THSD4: variants seen among roughly 807,000 people sequenced by gnomAD.
THSD4 encodes the protein thrombospondin type 1 domain containing 4.
In THSD4, 69 loss-of-function variants were observed where a neutral mutation model predicts 119.0. The observed-to-expected ratio is 0.58, with a 90% CI of 0.48 to 0.71. THSD4 has a LOEUF of 0.71. Ranked by LOEUF, THSD4 falls within the 30% of genes least tolerant of loss-of-function variation. THSD4 has a pLI of 0.00. For missense variants in THSD4, 1,393 were observed against 1,391.1 expected (o/e 1.00, Z -0.02); for synonymous variants, 524 against 540.4 (o/e 0.97, Z 0.42).
chr15:71,561,883 C>G (rs1349642237), intron 7 of THSD4, among the ~76,000 whole-genome samples: 13 of 32,762 alleles, frequency 4.0e-4, no homozygotes, highest in African/African-American at 1.5e-3. Flanking sequence ...CACACACACA[C>G]ACACACACAC....
At chr15:71,558,183 C>G (rs1474643763) in intron 7 of THSD4, among the ~76,000 whole-genome samples, 2 of 152,072 alleles carry the variant, frequency 1.3e-5, no homozygotes, top group African/African-American at 2.4e-5. Context: ...CAAAAATTAA[C>G]CAGGCATGGT....
At chr15:71,228,321 G>A (rs576353689) in intron 4 of THSD4, among the ~76,000 whole-genome samples, 2 of 152,134 alleles carry the variant, frequency 1.3e-5, no homozygotes, top group Non-Finnish European at 2.9e-5. Context: ...GCATGCTGGC[G>A]GCCGCCAGAA....
chr15:71,152,087 C>A (rs1271048229), intron 2 of THSD4, among the ~76,000 whole-genome samples: 3 of 152,132 alleles, frequency 2.0e-5, no homozygotes, highest in Non-Finnish European at 4.4e-5. Flanking sequence ...CCCGAATACA[C>A]CCCTTGTTTG....
At chr15:71,341,037 C>CCT (rs1259151204) in intron 6 of THSD4, 1 of 689,134 alleles carries the variant, frequency 1.5e-6, no homozygotes. Flanking sequence ...TCTTGCATTT[C>CCT]CTCTCTCTCC....
intron 7 of THSD4, among the ~76,000 whole-genome samples, chr15:71,636,148 G>A (rs4357893): frequency 0.57 from 87,342 of 152,132 alleles, 25,628 homozygotes; most frequent in African/African-American, 0.64. Context: ...TAGACCAGGC[G>A]CAGTGGCTCA....
intron 6 of THSD4, among the ~76,000 whole-genome samples, chr15:71,382,434 C>T (rs1233567942): frequency 6.6e-6 from 1 of 152,184 alleles, no homozygotes; most frequent in Non-Finnish European, 1.5e-5. Flanking sequence ...TTTTAGCCAA[C>T]TTGATCACAT....
intron 16 of THSD4, among the ~76,000 whole-genome samples, chr15:71,766,311 C>T (rs1013289330): frequency 5.3e-5 from 8 of 151,868 alleles, no homozygotes; most frequent in African/African-American, 1.5e-4. Flanking sequence ...TGACCATTGG[C>T]GTAGTTCTGT....
intron 9 of THSD4, 114 bp from the exon 10 acceptor site, chr15:71,731,007 C>T (rs1023466603): frequency 2.5e-5 from 21 of 829,610 alleles, no homozygotes; most frequent in Admixed American, 8.3e-5. Context: ...TTACTGGATG[C>T]GTACTAGAGT....
chr15:71,250,794 T>A (rs2044251647), intron 5 of THSD4, among the ~76,000 whole-genome samples: 1 of 152,182 alleles, frequency 6.6e-6, no homozygotes. Flanking sequence ...TATTTAAAAA[T>A]CTATGATTGG....
chr15:71,471,975 C>T (rs1211235960), intron 7 of THSD4, among the ~76,000 whole-genome samples: 1 of 152,150 alleles, frequency 6.6e-6, no homozygotes, highest in Non-Finnish European at 1.5e-5. Context: ...AGTGCAGTGG[C>T]ACAATCATGG....
chr15:71,261,689 CA>C (rs1401303875), intron 6 of THSD4, among the ~76,000 whole-genome samples: 1 of 152,242 alleles, frequency 6.6e-6, no homozygotes, highest in East Asian at 1.9e-4. Flanking sequence ...TTGAGACAGA[CA>C]GGAAAACATT....
At chr15:71,188,904 C>T (rs1008697857) in intron 3 of THSD4, 1 of 152,624 alleles carries the variant, frequency 6.6e-6, no homozygotes, top group African/African-American at 2.4e-5. Flanking sequence ...TATCTGTCAT[C>T]CATATGGGGA....
At chr15:71,424,021 C>T (rs1273659903) in intron 7 of THSD4, among the ~76,000 whole-genome samples, 1 of 149,084 alleles carries the variant, frequency 6.7e-6, no homozygotes, top group Admixed American at 6.6e-5. Context: ...CGCTCCGACT[C>T]TCTGCACCCC....
At chr15:71,341,589 G>A (rs765028905) in intron 6 of THSD4, 15 of 1,597,102 alleles carry the variant, frequency 9.4e-6, no homozygotes, top group South Asian at 3.3e-5. Context: ...GTGGCTTTTC[G>A]TATATGCATA....
At chr15:71,279,642 C>T (rs1387714707) in intron 6 of THSD4, among the ~76,000 whole-genome samples, 1 of 152,156 alleles carries the variant, frequency 6.6e-6, no homozygotes, top group African/African-American at 2.4e-5. Flanking sequence ...GCAGCCTCTG[C>T]CTGTCTGAAT....
At chr15:71,551,904 G>T (rs867779427) in intron 7 of THSD4, among the ~76,000 whole-genome samples, 21 of 152,216 alleles carry the variant, frequency 1.4e-4, no homozygotes, top group African/African-American at 4.8e-4. Context: ...ACCCTTACCA[G>T]TTCTGGGAAT....
chr15:71,660,603 C>A lies in THSD4; in HGVS notation c.1226C>A (p.Thr409Lys), dbSNP rs142908915. The A allele has an allele frequency of 2.2e-5, 35 of 1,614,144 alleles. No individual in the cohort carries two copies. Among genetic ancestry groups the A allele is most frequent in the South Asian group, 1.9e-4 (17 of 91,080 alleles). The change falls in exon 8 of 18, where the codon ACG becomes AAG. Residue 409 changes from threonine to lysine, a missense_variant. Physicochemically the swap from Thr to Lys is moderately conservative, Grantham distance 78 (BLOSUM62 -1). Coordinates refer to ENST00000261862, the MANE Select transcript of THSD4 (RefSeq NM_024817.3). ...DKCGVCGGDN[T>K]GCQVVSGVFK... ...TGTGGGGTGTGTGGAGGAGACAACA[C>A]GGGCTGTCAGGTTGTGTCGGGCGTG...
At chr15:71,443,298 C>T (rs889991843) in intron 7 of THSD4, among the ~76,000 whole-genome samples, 6 of 152,126 alleles carry the variant, frequency 3.9e-5, no homozygotes, top group Non-Finnish European at 7.3e-5. Context: ...CTCTGGCCTC[C>T]CTGGGTTGCT....
In THSD4 at chr15:71,351,130, A is replaced by C. The variant is rs4777371; in HGVS notation, c.1016-60557A>C. The stretch of plus-strand genomic sequence containing the variant: ...CTGCCCTGAGGAGTAGCAGAAGTCC[A>C]TCTGCATTCTGTGGGAAAACAGCCT... On this transcript the variant is annotated intron_variant, in intron 6 of 17. Transcript: ENST00000261862. Among the ~76,000 whole-genome samples, 830 of 152,152 alleles carry C rather than the reference A, an allele frequency of 5.5e-3. 6 individuals are homozygous for C. Among genetic ancestry groups the C allele is most frequent in the African/African-American group, 0.019 (797 of 41,534 alleles).
Sources: gnomAD v4.1 joint callset for allele counts (sites outside exome capture counted in the v4.1 genomes callset) on GRCh38, gnomAD v4.1.1 for gene constraint, MANE v1.5 for transcripts, NCBI Gene and HGNC (gene_info 2026-07-23, HGNC 2026-07-21) for gene names.